LIPT2: variants seen among roughly 807,000 people sequenced by gnomAD.
The protein encoded by LIPT2 is lipoyl(octanoyl) transferase 2, also known as octanoyl-[acyl-carrier-protein]:protein N-octanoyltransferase LIPT2, mitochondrial.
Under a neutral mutation model 16.2 loss-of-function variants are expected in LIPT2, and 16 were observed. The ratio of observed to expected loss-of-function variants is 0.99; its 90% CI spans 0.67 to 1.50. The LOEUF is 1.50. Among genes scored for constraint, LIPT2 ranks in the 40% most tolerant of loss-of-function variants. LIPT2 has a pLI of 0.00. For missense variants in LIPT2, 424 were observed against 347.7 expected (o/e 1.22, Z -1.75); for synonymous variants, 199 against 169.3 (o/e 1.18, Z -1.36).
In LIPT2 at chr11:74,491,992, T is replaced by A. The variant is rs538616630; in HGVS notation, c.*143A>T. 6.4e-6 allele frequency: 4 copies of A among 620,850 alleles called. No individual in the cohort carries two copies. The East Asian group carries it at 1.1e-4, about 17-fold the overall frequency. The allele number at this position is 620,850 out of a possible 1,614,324, so 38.5% of individuals were successfully genotyped here. On this transcript the variant is annotated 3_prime_UTR_variant, in exon 2 of 2. Coordinates refer to ENST00000310109, the MANE Select transcript of LIPT2 (RefSeq NM_001144869.3). ...AAATAAAACAGGATACATATGAAAA[T>A]AGTGGCTCAGAGCTCATGGTATGTC...
chr11:74,491,882 T>C lies in LIPT2; in HGVS notation c.*253A>G. ...AATTTCTCTGAGACACTGCTGTCAA[T>C]AGCAGTGCTAATGTTTTATATAGCA... On this transcript the variant is annotated 3_prime_UTR_variant, in exon 2 of 2. Transcript: ENST00000310109. 1 of 476,478 alleles carries C rather than the reference T, an allele frequency of 2.1e-6. No homozygotes were observed. The highest frequency in any genetic ancestry group is 5.7e-4 in the Middle Eastern group (1 of 1,752). The allele number at this position is 476,478 out of a possible 1,614,324, so 29.5% of individuals were successfully genotyped here.
At position 74,492,116 on chromosome 11, in the gene LIPT2, T is replaced by C. The variant is rs1354540729; in HGVS notation, c.*19A>G. On this transcript the variant is annotated 3_prime_UTR_variant, in exon 2 of 2. Transcript: ENST00000310109. ...CATGCTTCCCAAGGCAGGAGCATCC[T>C]GGCTGTTATGAGTACTCTTCAGTTG... is the stretch of plus-strand genomic sequence containing the variant. 8 of 1,535,764 alleles carry C rather than the reference T, an allele frequency of 5.2e-6. No individual in the cohort carries two copies. The Admixed American group carries it at 1.4e-4, about 26-fold the overall frequency.
At position 74,492,139 on chromosome 11, in the gene LIPT2, T is replaced by G. The variant is rs760634490; in HGVS notation, c.692A>C (p.Asn231Thr). ...KCTLISEDSP[N>T] ...CCTGGCTGTTATGAGTACTCTTCAG[T>G]TGGGGCTGTCCTCTGAGATCAGTGT... Residue 231 changes from asparagine (N) to threonine (T), a missense_variant, in exon 2 of 2, where the codon AAC (asparagine) becomes ACC (threonine). Transcript: ENST00000310109. The G allele has an allele frequency of 6.4e-7, 1 of 1,550,864 alleles. No individual in the cohort carries two copies. Among genetic ancestry groups the G allele is most frequent in the South Asian group, 1.2e-5 (1 of 84,044 alleles).
In LIPT2 at chr11:74,493,615, A is replaced by AGCC; in HGVS notation, c.86_88dup (p.Arg29dup). 1 of 1,456,996 alleles carries AGCC rather than the reference A, an allele frequency of 6.9e-7. No homozygotes were observed. The highest frequency in any genetic ancestry group is 9.0e-7 in the Non-Finnish European group (1 of 1,110,432). The allele number at this position is 1,456,996 out of a possible 1,614,324, so 90.3% of individuals were successfully genotyped here. On this transcript the variant is annotated inframe_insertion, in exon 1 of 2. Coordinates refer to ENST00000310109, the MANE Select transcript of LIPT2 (RefSeq NM_001144869.3). The stretch of plus-strand genomic sequence containing the variant: ...GGCCTCAATGCCTGGCTCGGCCTGC[A>AGCC]GCCGCCGCAGCCAGCGGTCCTGCAG...
rs1864387983 is a variant in LIPT2 at position 74,493,258 on chromosome 11, T to C, written c.446A>G (p.Asp149Gly). ...PPPYTGVWLD[D>G]RKICAIGVRC... is the part of the protein sequence containing the mutation. ...CTCACCGATCGCGCAGATCTTGCGA[T>C]CGTCTAGCCAGACGCCAGTGTAGGG... is the stretch of plus-strand genomic sequence containing the variant. The change falls in exon 1 of 2, where the codon GAT becomes GGT. Residue 149 changes from aspartate (D) to glycine (G), a missense_variant. Asp to Gly is a moderately conservative substitution (Grantham distance 94). Coordinates refer to ENST00000310109, the MANE Select transcript of LIPT2 (RefSeq NM_001144869.3). The C allele has an allele frequency of 7.4e-7, 1 of 1,354,288 alleles. No individual in the cohort carries two copies. 83.9% of individuals were successfully genotyped at this position (1,354,288 alleles called of 1,614,324 possible). A position where few individuals can be genotyped will look rare whatever the true frequency, so the allele number is the denominator to read the frequency against.
intron 1 of LIPT2, 82 bp downstream of exon 1, chr11:74,493,156 G>T: frequency 1.9e-6 from 2 of 1,050,088 alleles, no homozygotes; most frequent in Non-Finnish European, 2.5e-6. Flanking sequence ...CACCTCCGTT[G>T]GTCCAGCCCC....
intron 1 of LIPT2, among the ~76,000 whole-genome samples, chr11:74,492,654 C>T (rs901823335): frequency 2.0e-5 from 3 of 151,792 alleles, no homozygotes; most frequent in African/African-American, 7.3e-5. Context: ...GCCTGTAATC[C>T]CAGCATTTTG....
In LIPT2 at chr11:74,493,724, C is replaced by A; in HGVS notation, c.-21G>T. ...CGCATCGTGCCCACCGTTGCGTCCG[C>A]GGGGCCCCGCCCTCTCCGTGGGCCT... On this transcript the variant is annotated 5_prime_UTR_variant, in exon 1 of 2. Coordinates refer to ENST00000310109, the MANE Select transcript of LIPT2 (RefSeq NM_001144869.3). 1 of 1,344,556 alleles carries A rather than the reference C, an allele frequency of 7.4e-7. No individual in the cohort carries two copies. 83.3% of individuals were successfully genotyped at this position (1,344,556 alleles called of 1,614,324 possible).
Position 74,493,260 on chromosome 11 carries a change from G to A in LIPT2, c.444C>T (p.Asp148=), listed in dbSNP as rs376565466. ...RPPPYTGVWL[D]DRKICAIGVR... ...CACCGATCGCGCAGATCTTGCGATC[G>A]TCTAGCCAGACGCCAGTGTAGGGCG... Residue 148 remains aspartate, a synonymous_variant, in exon 1 of 2, where the codon GAC becomes GAT. Coordinates refer to ENST00000310109, the MANE Select transcript of LIPT2 (RefSeq NM_001144869.3). 4.4e-6 allele frequency: 6 copies of A among 1,366,366 alleles called. No individual in the cohort carries two copies. Among genetic ancestry groups the A allele is most frequent in the East Asian group, 3.1e-5 (1 of 32,520 alleles). The allele number at this position is 1,366,366 out of a possible 1,614,324, so 84.6% of individuals were successfully genotyped here.
At position 74,490,587 on chromosome 11, in the gene LIPT2, A is replaced by G. The variant is rs1449206998; in HGVS notation, c.*1548T>C. 6.6e-6 allele frequency among the ~76,000 whole-genome samples: 1 copy of G among 152,196 alleles called. No homozygotes were observed. The stretch of plus-strand genomic sequence containing the variant: ...TTAAAATTAACATCATAGACCAGGC[A>G]TGGTGGCTCACACCTGTAATTCCAG... On this transcript the variant is annotated 3_prime_UTR_variant, in exon 2 of 2. Transcript: ENST00000310109.
At position 74,493,609 on chromosome 11, in the gene LIPT2, G is replaced by T; in HGVS notation, c.95C>A (p.Ala32Asp). Residue 32 changes from alanine to aspartate, a missense_variant, in exon 1 of 2, where the codon GCC becomes GAC. Physicochemically the swap from Ala to Asp is moderately radical, Grantham distance 126. Transcript: ENST00000310109. ...CGACGGGGCCTCAATGCCTGGCTCG[G>T]CCTGCAGCCGCCGCAGCCAGCGGTC... is the stretch of plus-strand genomic sequence containing the variant. ...LQDRWLRRLQ[A>D]EPGIEAPSGT... is the part of the protein sequence containing the mutation. The T allele has an allele frequency of 6.9e-7, 1 of 1,456,500 alleles. No individual in the cohort carries two copies. 90.2% of individuals were successfully genotyped at this position (1,456,500 alleles called of 1,614,324 possible). A position where few individuals can be genotyped will look rare whatever the true frequency, so the allele number is the denominator to read the frequency against.
chr11:74,493,349 G>A lies in LIPT2; in HGVS notation c.355C>T (p.Leu119=), dbSNP rs1864393176. The A allele has an allele frequency of 2.0e-6, 3 of 1,503,902 alleles. No homozygotes were observed. The highest frequency in any genetic ancestry group is 1.4e-5 in the African/African-American group (1 of 69,404). The allele number at this position is 1,503,902 out of a possible 1,614,324, so 93.2% of individuals were successfully genotyped here. A position where few individuals can be genotyped will look rare whatever the true frequency, so the allele number is the denominator to read the frequency against. The change falls in exon 1 of 2, where the codon CTG becomes TTG. Residue 119 remains leucine (L), a synonymous_variant. Transcript: ENST00000310109. ...CACAGGCGCACGGCGCACGCCTCCA[G>A]CGACGCTACGTGCATGCGCAAGCGC... is the stretch of plus-strand genomic sequence containing the variant. ...GLRLRMHVAS[L]EACAVRLCEL...
chr11:74,493,483 C>G lies in LIPT2; in HGVS notation c.221G>C (p.Arg74Pro), dbSNP rs772885983. ...GACGCGCACCTCGGCGCCCAAGGCC[C>G]GTAGCCGCGCAGTTTCCTCGGGCGT... ...GLTPEETARL[R>P]ALGAEVRVTG... is the part of the protein sequence containing the mutation. The change falls in exon 1 of 2, where the codon CGG becomes CCG. Residue 74 changes from arginine (R) to proline (P), a missense_variant. Physicochemically the swap from Arg to Pro is moderately radical, Grantham distance 103 (BLOSUM62 -2). Coordinates refer to ENST00000310109, the MANE Select transcript of LIPT2 (RefSeq NM_001144869.3). 1.4e-6 allele frequency: 2 copies of G among 1,457,448 alleles called. No individual in the cohort carries two copies. The highest frequency in any genetic ancestry group is 1.3e-5 in the South Asian group (1 of 75,672). The allele number at this position is 1,457,448 out of a possible 1,614,324, so 90.3% of individuals were successfully genotyped here.
chr11:74,492,378 C>A lies in LIPT2; in HGVS notation c.467-14G>T. ...CACAGCGGACTCCTGCAAGGCAAGC[C>A]AAAGGGTCTTAGAGTAGATACCCTC... On this transcript the variant is annotated splice_polypyrimidine_tract_variant and intron_variant, in intron 1 of 1. Coordinates refer to ENST00000310109, the MANE Select transcript of LIPT2 (RefSeq NM_001144869.3). 1 of 1,535,438 alleles carries A rather than the reference C, an allele frequency of 6.5e-7. No individual in the cohort carries two copies. Among genetic ancestry groups the A allele is most frequent in the South Asian group, 1.2e-5 (1 of 83,772 alleles).
At position 74,493,347 on chromosome 11, in the gene LIPT2, C is replaced by T; in HGVS notation, c.357G>A (p.Leu119=). ...GLRLRMHVAS[L]EACAVRLCEL... is the part of the protein sequence containing the mutation. ...CGCACAGGCGCACGGCGCACGCCTCCAGCGACGCTACGTGCATGCGCAAGC... is the reference window on the plus strand; with the variant it reads ...CGCACAGGCGCACGGCGCACGCCTCTAGCGACGCTACGTGCATGCGCAAGC... The change falls in exon 1 of 2, where the codon CTG becomes CTA. Residue 119 remains leucine (L), a synonymous_variant. Transcript: ENST00000310109. The T allele has an allele frequency of 6.7e-7, 1 of 1,503,328 alleles. No homozygotes were observed. Among genetic ancestry groups the T allele is most frequent in the Non-Finnish European group, 8.8e-7 (1 of 1,132,594 alleles). The allele number at this position is 1,503,328 out of a possible 1,614,324, so 93.1% of individuals were successfully genotyped here.
chr11:74,493,021 G>A (rs572211708), intron 1 of LIPT2, among the ~76,000 whole-genome samples: 30 of 152,170 alleles, frequency 2.0e-4, no homozygotes, highest in Non-Finnish European at 4.0e-4. Flanking sequence ...AGAAATGCGT[G>A]TTGGACTAGA....
rs1864357686 is a variant in LIPT2 at position 74,492,273 on chromosome 11, T to C, written c.558A>G (p.Gly186=). 5 of 1,551,768 alleles carry C rather than the reference T, an allele frequency of 3.2e-6. No homozygotes were observed. Among genetic ancestry groups the C allele is most frequent in the Non-Finnish European group, 4.4e-6 (5 of 1,146,990 alleles). ...AGGAAGTGACGCCTGTCCCAACCAGTCCACAGGGCACGATGTGCTCAAACC... is the reference window on the plus strand; with the variant it reads ...AGGAAGTGACGCCTGTCCCAACCAGCCCACAGGGCACGATGTGCTCAAACC... The part of the protein sequence containing the change: ...LTWFEHIVPC[G]LVGTGVTSLS... Residue 186 remains glycine (G), a synonymous_variant, in exon 2 of 2, where the codon GGA becomes GGG. Coordinates refer to ENST00000310109, the MANE Select transcript of LIPT2 (RefSeq NM_001144869.3).
intron 1 of LIPT2, 97 bp from the exon 2 acceptor site, chr11:74,492,461 G>A (rs1459369271): frequency 9.0e-6 from 7 of 774,512 alleles, no homozygotes; most frequent in African/African-American, 5.2e-5. Context: ...TTAGATCACC[G>A]GTTTTCAAAT....
At chr11:74,493,167 G>T in intron 1 of LIPT2, 71 bp downstream of exon 1, 1 of 1,186,282 alleles carries the variant, frequency 8.4e-7, no homozygotes. Context: ...GTCCAGCCCC[G>T]TCAGACCCCG....
Sources: gnomAD v4.1 joint callset for allele counts (sites outside exome capture counted in the v4.1 genomes callset) on GRCh38, gnomAD v4.1.1 for gene constraint, MANE v1.5 for transcripts, NCBI Gene and HGNC (gene_info 2026-07-23, HGNC 2026-07-21) for gene names.